PLPP1: variants seen among roughly 807,000 people sequenced by gnomAD.
PLPP1 encodes lipid phosphate phosphohydrolase 1a.
Under a neutral mutation model 31.2 loss-of-function variants are expected in PLPP1, and 24 were observed. The ratio of observed to expected loss-of-function variants is 0.77; its 90% CI spans 0.56 to 1.08. The LOEUF is 1.08. PLPP1 is among the 50% of genes least tolerant of loss of function. PLPP1 has a pLI of 0.00. For missense variants in PLPP1, 319 were observed against 342.7 expected (o/e 0.93, Z 0.55); for synonymous variants, 146 against 126.3 (o/e 1.16, Z -1.05).
intron 4 of PLPP1, among the ~76,000 whole-genome samples, chr5:55,432,173 G>C (rs1385122105): frequency 6.7e-6 from 1 of 150,354 alleles, no homozygotes; most frequent in Non-Finnish European, 1.5e-5. Flanking sequence ...TGAACTCATG[G>C]CTTCAAAGGA....
chr5:55,515,822 T>G (rs1753543964), intron 1 of PLPP1, among the ~76,000 whole-genome samples: 1 of 152,158 alleles, frequency 6.6e-6, no homozygotes, highest in South Asian at 2.1e-4. Flanking sequence ...ATTTTATAAC[T>G]TCTTCCTGAA....
chr5:55,516,733 C>G (rs971802348), intron 1 of PLPP1, among the ~76,000 whole-genome samples: 1 of 152,132 alleles, frequency 6.6e-6, no homozygotes, highest in African/African-American at 2.4e-5. Context: ...CCCATGAACA[C>G]AAAAGAATTC....
chr5:55,441,779 A>G, intron 4 of PLPP1, 72 bp downstream of exon 4: 2 of 1,468,924 alleles, frequency 1.4e-6, no homozygotes, highest in Middle Eastern at 1.7e-4. Context: ...AGGACAGGTG[A>G]GGACACTGAT....
At chr5:55,473,685 T>A (rs1346525340) in intron 2 of PLPP1, among the ~76,000 whole-genome samples, 3 of 151,834 alleles carry the variant, frequency 2.0e-5, no homozygotes, top group Admixed American at 6.6e-5. Context: ...TGAAAGAGGG[T>A]CTCACTCTGT....
intron 4 of PLPP1, among the ~76,000 whole-genome samples, chr5:55,439,097 G>T (rs1751563588): frequency 6.6e-6 from 1 of 151,986 alleles, no homozygotes; most frequent in African/African-American, 2.4e-5. Context: ...ATTTATCTAG[G>T]CTTCTTTTTT....
At chr5:55,455,290 C>T (rs773982489) in intron 3 of PLPP1, among the ~76,000 whole-genome samples, 2 of 152,128 alleles carry the variant, frequency 1.3e-5, no homozygotes, top group African/African-American at 2.4e-5. Flanking sequence ...TGTACTATCA[C>T]AAATAGACCA....
At chr5:55,501,891 C>CA (rs1208099311) in intron 1 of PLPP1, among the ~76,000 whole-genome samples, 1 of 152,062 alleles carries the variant, frequency 6.6e-6, no homozygotes, top group African/African-American at 2.4e-5. Flanking sequence ...CCTTGAGACT[C>CA]AAGAGTTCAG....
At chr5:55,426,148 G>C (rs1039514558) in intron 4 of PLPP1, 109 bp from the exon 5 acceptor site, 2 of 973,512 alleles carry the variant, frequency 2.1e-6, no homozygotes, top group Non-Finnish European at 1.5e-6. Context: ...ATTATATAGG[G>C]AACAGGACTT....
At chr5:55,478,965 T>C (rs1332818044) in intron 1 of PLPP1, among the ~76,000 whole-genome samples, 1 of 152,042 alleles carries the variant, frequency 6.6e-6, no homozygotes, top group Non-Finnish European at 1.5e-5. Flanking sequence ...TTAGAAATAT[T>C]TTTAAATTGA....
intron 1 of PLPP1, among the ~76,000 whole-genome samples, chr5:55,480,340 T>C (rs1418248106): frequency 1.3e-5 from 2 of 152,090 alleles, no homozygotes; most frequent in Non-Finnish European, 2.9e-5. Context: ...AGTATACATA[T>C]AATTCAATGG....
At chr5:55,508,325 G>T (rs560093600) in intron 1 of PLPP1, among the ~76,000 whole-genome samples, 1 of 152,320 alleles carries the variant, frequency 6.6e-6, no homozygotes, top group East Asian at 1.9e-4. Flanking sequence ...AAGAAAGTGA[G>T]ATAAGACACT....
At chr5:55,426,380 C>A (rs749767466) in intron 4 of PLPP1, among the ~76,000 whole-genome samples, 3 of 152,084 alleles carry the variant, frequency 2.0e-5, no homozygotes, top group African/African-American at 7.2e-5. Flanking sequence ...ATAGTCAAGA[C>A]CAGTGCTGCC....
intron 1 of PLPP1, among the ~76,000 whole-genome samples, chr5:55,486,799 G>C (rs1020241944): frequency 6.6e-6 from 1 of 151,936 alleles, no homozygotes; most frequent in Non-Finnish European, 1.5e-5. Flanking sequence ...TGTAATCCCA[G>C]CTACTTAGGA....
chr5:55,451,010 C>T (rs756114792), intron 3 of PLPP1, among the ~76,000 whole-genome samples: 1 of 152,164 alleles, frequency 6.6e-6, no homozygotes, highest in Non-Finnish European at 1.5e-5. Context: ...TACTCTAAGC[C>T]CTCACTCCAA....
chr5:55,529,835 A>G (rs115072836), intron 1 of PLPP1, among the ~76,000 whole-genome samples: 1,864 of 152,310 alleles, frequency 0.012, 26 homozygotes, highest in Non-Finnish European at 0.014. Flanking sequence ...GGAGGAATGT[A>G]CCAAATTTCA....
At chr5:55,459,995 G>T (rs781238697) in intron 3 of PLPP1, among the ~76,000 whole-genome samples, 1 of 152,056 alleles carries the variant, frequency 6.6e-6, no homozygotes, top group Non-Finnish European at 1.5e-5. Flanking sequence ...ACACTTCATT[G>T]TAAGAAGATA....
chr5:55,435,538 G>A (rs1751471979), intron 4 of PLPP1, among the ~76,000 whole-genome samples: 1 of 152,168 alleles, frequency 6.6e-6, no homozygotes, highest in Non-Finnish European at 1.5e-5. Flanking sequence ...AAATTTGGAG[G>A]CTATCCTGAT....
intron 1 of PLPP1, among the ~76,000 whole-genome samples, chr5:55,478,243 A>C (rs1752599065): frequency 6.6e-6 from 1 of 152,164 alleles, no homozygotes; most frequent in East Asian, 1.9e-4. Flanking sequence ...ATAGTAGGGG[A>C]ACAAAATAAA....
At chr5:55,426,935 C>G (rs1002783092) in intron 4 of PLPP1, among the ~76,000 whole-genome samples, 1 of 152,072 alleles carries the variant, frequency 6.6e-6, no homozygotes, top group African/African-American at 2.4e-5. Context: ...TTCAACAGTA[C>G]TTGTATCCCC....
Sources: gnomAD v4.1 joint callset for allele counts (sites outside exome capture counted in the v4.1 genomes callset) on GRCh38, gnomAD v4.1.1 for gene constraint, MANE v1.5 for transcripts, NCBI Gene and HGNC (gene_info 2026-07-23, HGNC 2026-07-21) for gene names.